MAGI2: variants seen among roughly 807,000 people sequenced by gnomAD.
MAGI2 encodes the protein membrane associated guanylate kinase, WW and PDZ domain containing 2.
MAGI2 carries 35 observed loss-of-function variants against 133.3 expected under a neutral mutation model. The observed-to-expected ratio is 0.26, with a 90% confidence interval of 0.20 to 0.35. The LOEUF is 0.35. Ranked by LOEUF, MAGI2 falls within the 10% of genes least tolerant of loss-of-function variation. MAGI2 has a pLI of 1.00. For synonymous variants in MAGI2, 729 were observed against 710.6 expected (o/e 1.03, Z -0.41); for missense variants, 1,636 against 1,863.4 (o/e 0.88, Z 2.25).
intron 2 of MAGI2, among the ~76,000 whole-genome samples, chr7:78,827,524 G>A (rs868599944): frequency 1.1e-4 from 16 of 152,036 alleles, no homozygotes; most frequent in Admixed American, 3.9e-4. Context: ...CAATCCTCCC[G>A]CCTTGGGTTC....
At chr7:78,575,480 G>A (rs897668368) in intron 3 of MAGI2, among the ~76,000 whole-genome samples, 1 of 152,116 alleles carries the variant, frequency 6.6e-6, no homozygotes, top group Non-Finnish European at 1.5e-5. Flanking sequence ...AGTGTGGGCT[G>A]CACATAGTGA....
chr7:79,372,409 GT>G (rs1206302422), intron 1 of MAGI2, among the ~76,000 whole-genome samples: 1 of 152,066 alleles, frequency 6.6e-6, no homozygotes, highest in Admixed American at 6.6e-5. Flanking sequence ...CTAGAAAGTT[GT>G]AAATTACAGT....
intron 3 of MAGI2, among the ~76,000 whole-genome samples, chr7:78,537,666 T>C (rs1471682878): frequency 1.5e-4 from 23 of 152,198 alleles, no homozygotes; most frequent in Admixed American, 1.5e-3. Flanking sequence ...TCCATATTCT[T>C]AGCCCATTTT....
intron 1 of MAGI2, among the ~76,000 whole-genome samples, chr7:79,302,534 T>C (rs1335841226): frequency 6.6e-6 from 1 of 151,956 alleles, no homozygotes; most frequent in African/African-American, 2.4e-5. Context: ...GTGTATATAT[T>C]TAAAGTTGAT....
intron 2 of MAGI2, among the ~76,000 whole-genome samples, chr7:78,873,992 A>G (rs927425637): frequency 6.6e-6 from 1 of 152,234 alleles, no homozygotes. Context: ...AATCAATTAC[A>G]ATAATAGAGT....
chr7:78,746,734 T>C (rs926228050), intron 2 of MAGI2, among the ~76,000 whole-genome samples: 1 of 152,238 alleles, frequency 6.6e-6, no homozygotes, highest in Non-Finnish European at 1.5e-5. Flanking sequence ...CAGGTTTTAA[T>C]GTTTTATACA....
chr7:79,248,051 T>A (rs1832949083), intron 1 of MAGI2, among the ~76,000 whole-genome samples: 1 of 152,136 alleles, frequency 6.6e-6, no homozygotes, highest in Non-Finnish European at 1.5e-5. Context: ...ATGAACTCTC[T>A]AATCTAAAGA....
At chr7:78,268,623 C>A (rs763721782) in intron 9 of MAGI2, among the ~76,000 whole-genome samples, 7 of 152,082 alleles carry the variant, frequency 4.6e-5, no homozygotes, top group Non-Finnish European at 7.4e-5. Flanking sequence ...ACTTGTCTTC[C>A]AACTATGTGG....
intron 21 of MAGI2, among the ~76,000 whole-genome samples, chr7:78,073,833 T>C (rs1254909785): frequency 6.6e-6 from 1 of 152,234 alleles, no homozygotes; most frequent in Non-Finnish European, 1.5e-5. Flanking sequence ...TGGATTTCAT[T>C]TGAATAGCAA....
At chr7:78,167,361 G>T (rs1026203276) in intron 15 of MAGI2, among the ~76,000 whole-genome samples, 1 of 152,180 alleles carries the variant, frequency 6.6e-6, no homozygotes, top group African/African-American at 2.4e-5. Context: ...CTGAGAAAAT[G>T]GTTGTAAAGG....
At chr7:78,424,492 G>C (rs1425488815) in intron 6 of MAGI2, among the ~76,000 whole-genome samples, 2 of 152,032 alleles carry the variant, frequency 1.3e-5, no homozygotes, top group African/African-American at 4.8e-5. Flanking sequence ...CCTCCTAGTG[G>C]AGCAGTGAAA....
chr7:78,405,636 A>G (rs1281523694), intron 6 of MAGI2, among the ~76,000 whole-genome samples: 2 of 152,112 alleles, frequency 1.3e-5, no homozygotes, highest in Non-Finnish European at 2.9e-5. Flanking sequence ...CTTAAACATA[A>G]AACCTTTTTA....
intron 2 of MAGI2, among the ~76,000 whole-genome samples, chr7:78,637,999 G>A (rs2150981693): frequency 6.6e-6 from 1 of 152,066 alleles, no homozygotes; most frequent in East Asian, 1.9e-4. Context: ...AAGAGGTCAA[G>A]GCTGCAGTGA....
chr7:79,164,160 G>A (rs1355620410), intron 1 of MAGI2, among the ~76,000 whole-genome samples: 2 of 152,014 alleles, frequency 1.3e-5, no homozygotes, highest in Non-Finnish European at 2.9e-5. Context: ...AGGGGAGACT[G>A]AGGACTAAGC....
intron 2 of MAGI2, among the ~76,000 whole-genome samples, chr7:78,977,225 T>C (rs1220285321): frequency 3.3e-5 from 5 of 151,602 alleles, no homozygotes; most frequent in African/African-American, 1.2e-4. Context: ...CAGTGTAATA[T>C]TGGCAAAAGA....
chr7:78,476,425 A>C (rs1291575037), intron 6 of MAGI2, among the ~76,000 whole-genome samples: 1 of 152,008 alleles, frequency 6.6e-6, no homozygotes, highest in African/African-American at 2.4e-5. Context: ...CTGGGAAATC[A>C]GTAAAAAATG....
Position 79,231,841 on chromosome 7 carries a change from G to T in MAGI2, c.301+221179C>A, listed in dbSNP as rs560588515. ...ACTTCTAACACTATGTTGAATAGGA[G>T]TGGTGAGAGAGGGCATCCCTGTCTT... On this transcript the variant is annotated intron_variant, in intron 1 of 21. Coordinates refer to ENST00000354212, the MANE Select transcript of MAGI2 (RefSeq NM_012301.4). Among the ~76,000 whole-genome samples the T allele has an allele frequency of 2.0e-3, 307 of 151,766 alleles. 1 individual carries two copies. Among genetic ancestry groups the T allele is most frequent in the African/African-American group, 7.0e-3 (290 of 41,362 alleles).
At chr7:78,032,000 GC>G (rs1026643131) in intron 21 of MAGI2, among the ~76,000 whole-genome samples, 5 of 122,740 alleles carry the variant, frequency 4.1e-5, no homozygotes, top group Non-Finnish European at 8.4e-5. Context: ...AGGGGACAAA[GC>G]CCCCCCACTT....
At chr7:78,313,190 G>A (rs1420501685) in intron 9 of MAGI2, among the ~76,000 whole-genome samples, 5 of 152,006 alleles carry the variant, frequency 3.3e-5, no homozygotes, top group Non-Finnish European at 5.9e-5. Flanking sequence ...TAGAGACTCA[G>A]AAAGGTGGGA....
Sources: gnomAD v4.1 joint callset for allele counts (sites outside exome capture counted in the v4.1 genomes callset) on GRCh38, gnomAD v4.1.1 for gene constraint, MANE v1.5 for transcripts, NCBI Gene and HGNC (gene_info 2026-07-23, HGNC 2026-07-21) for gene names.